GALNT14: variants seen among roughly 807,000 people sequenced by gnomAD.
The protein encoded by GALNT14 is polypeptide N-acetylgalactosaminyltransferase 14.
GALNT14 carries 60 observed loss-of-function variants against 77.5 expected under a neutral mutation model. That is an observed-to-expected ratio of 0.77 (90% CI 0.63 to 0.96). The LOEUF is 0.96. Among genes scored for constraint, GALNT14 ranks in the 40% least tolerant of loss-of-function variants. GALNT14 has a pLI of 0.00. For synonymous variants in GALNT14, 280 were observed against 281.7 expected (o/e 0.99, Z 0.06); for missense variants, 710 against 731.0 (o/e 0.97, Z 0.33).
intron 1 of GALNT14, among the ~76,000 whole-genome samples, chr2:31,020,918 C>A (rs1386670028): frequency 6.6e-6 from 1 of 152,204 alleles, no homozygotes; most frequent in African/African-American, 2.4e-5. Flanking sequence ...CTTATTACGC[C>A]TCTCCAGGAA....
intron 11 of GALNT14, among the ~76,000 whole-genome samples, chr2:30,925,740 G>A (rs2148235255): frequency 6.6e-6 from 1 of 152,330 alleles, no homozygotes; most frequent in African/African-American, 2.4e-5. Flanking sequence ...CTGCCAAGGA[G>A]TTTGGACTTG....
intron 1 of GALNT14, among the ~76,000 whole-genome samples, chr2:31,076,652 A>G (rs542690459): frequency 5.2e-4 from 77 of 149,078 alleles, no homozygotes; most frequent in Non-Finnish European, 9.8e-4. Flanking sequence ...TTACATGTAC[A>G]TATACATTTA....
intron 1 of GALNT14, among the ~76,000 whole-genome samples, chr2:31,040,485 G>A (rs983647905): frequency 6.6e-6 from 1 of 152,194 alleles, no homozygotes; most frequent in Non-Finnish European, 1.5e-5. Flanking sequence ...GGTACTGTGA[G>A]TGGTGGAGGC....
intron 6 of GALNT14, among the ~76,000 whole-genome samples, chr2:30,951,128 C>T (rs970153539): frequency 1.3e-5 from 2 of 152,146 alleles, no homozygotes; most frequent in African/African-American, 4.8e-5. Flanking sequence ...TATAACTGCG[C>T]TATTCACAAA....
chr2:31,038,555 TGGCCGG>T (rs1231841975), intron 1 of GALNT14, among the ~76,000 whole-genome samples: 1 of 148,014 alleles, frequency 6.8e-6, no homozygotes, highest in African/African-American at 2.5e-5. Context: ...AGTTTGGCGT[TGGCCGG>T]GGGAGGGGGA....
At chr2:30,940,083 A>G (rs905376834) in intron 9 of GALNT14, among the ~76,000 whole-genome samples, 6 of 152,052 alleles carry the variant, frequency 3.9e-5, no homozygotes, top group African/African-American at 1.4e-4. Flanking sequence ...GTGGGATAAA[A>G]TGAAGTGTTC....
rs76294760 is a variant in GALNT14, at chr2:31,048,239, G to A, written c.130-55232C>T. Among the ~76,000 whole-genome samples, 789 of 152,316 alleles carry A rather than the reference G, an allele frequency of 5.2e-3. 8 individuals carry two copies. Among genetic ancestry groups the A allele is most frequent in the African/African-American group, 0.018 (758 of 41,560 alleles). On this transcript the variant is annotated intron_variant, in intron 1 of 14. Transcript: ENST00000349752. The stretch of plus-strand genomic sequence containing the variant: ...ATGTTTTTCCCACACCAGGATTGGT[G>A]GTATAGGGGTAGGAAGCCCATAGTG...
rs530565205 is a variant in GALNT14 at position 31,035,618 on chromosome 2, TACACACACAC to T, written c.130-42621_130-42612del. On this transcript the variant is annotated intron_variant, in intron 1 of 14. Transcript: ENST00000349752. ...ATACATATACACACACACACACACC[TACACACACAC>T]ACACACACACACACACACACACACA... Among the ~76,000 whole-genome samples the T allele has an allele frequency of 9.8e-5, 5 of 51,238 alleles. 1 individual carries two copies. The highest frequency in any genetic ancestry group is 2.3e-4 in the Admixed American group (1 of 4,282). 33.6% of individuals were successfully genotyped at this position (51,238 alleles called of 152,430 possible).
chr2:30,959,812 A>C (rs997307126), intron 3 of GALNT14, among the ~76,000 whole-genome samples: 3 of 152,130 alleles, frequency 2.0e-5, no homozygotes, highest in Non-Finnish European at 2.9e-5. Flanking sequence ...AGATGACTGG[A>C]TCCTGCTTCT....
chr2:31,137,696 C>G (rs1329186384), intron 1 of GALNT14, among the ~76,000 whole-genome samples: 4 of 152,160 alleles, frequency 2.6e-5, no homozygotes, highest in Admixed American at 6.5e-5. Context: ...GCGCGCAGCT[C>G]AAGTTGGGAG....
intron 4 of GALNT14, among the ~76,000 whole-genome samples, chr2:30,956,353 T>C (rs1425481073): frequency 6.6e-6 from 1 of 152,224 alleles, no homozygotes; most frequent in Non-Finnish European, 1.5e-5. Flanking sequence ...AAATTTTTAA[T>C]CTTTAATTCT....
the GALNT14 span, among the ~76,000 whole-genome samples, chr2:30,892,767 C>A: frequency 1.1e-4 from 17 of 152,306 alleles, 1 homozygote; most frequent in East Asian, 1.4e-3. Context: ...TGCTGATATC[C>A]TGACTTCTCC....
At chr2:30,891,317 A>C in the GALNT14 span, among the ~76,000 whole-genome samples, 77,830 of 151,902 alleles carry the variant, frequency 0.51, 20,268 homozygotes, top group East Asian at 0.59. Flanking sequence ...TGCCTGTGCT[A>C]GCCAGGTGAT....
At chr2:31,115,314 T>C (rs1359018095) in intron 1 of GALNT14, among the ~76,000 whole-genome samples, 1 of 151,912 alleles carries the variant, frequency 6.6e-6, no homozygotes, top group Admixed American at 6.6e-5. Flanking sequence ...CATTGCCAAG[T>C]GTCCGAGGCA....
At chr2:30,993,393 A>G (rs1170717737) in intron 1 of GALNT14, among the ~76,000 whole-genome samples, 1 of 152,136 alleles carries the variant, frequency 6.6e-6, no homozygotes, top group Non-Finnish European at 1.5e-5. Flanking sequence ...TGGAACTTCA[A>G]TTCTAGTATC....
At chr2:31,093,045 G>C (rs992600279) in intron 1 of GALNT14, among the ~76,000 whole-genome samples, 1 of 152,098 alleles carries the variant, frequency 6.6e-6, no homozygotes, top group Admixed American at 6.6e-5. Context: ...TCTGAGGTTC[G>C]TTCCATCAGG....
the GALNT14 span, among the ~76,000 whole-genome samples, chr2:30,895,370 C>T: frequency 1.3e-5 from 2 of 152,114 alleles, no homozygotes; most frequent in African/African-American, 4.8e-5. Context: ...GACACGGAGA[C>T]ACAAAGTGTT....
the GALNT14 span, among the ~76,000 whole-genome samples, chr2:30,897,153 G>A: frequency 2.0e-5 from 3 of 152,126 alleles, no homozygotes; most frequent in Non-Finnish European, 4.4e-5. Context: ...CCACAGGCTT[G>A]TTGACTTGCT....
intron 1 of GALNT14, among the ~76,000 whole-genome samples, chr2:30,998,008 A>G (rs1283824016): frequency 6.6e-6 from 1 of 152,156 alleles, no homozygotes; most frequent in Admixed American, 6.6e-5. Context: ...GGCTTCACAT[A>G]TAAACGAGAT....
Sources: allele counts gnomAD v4.1 joint callset (sites outside exome capture counted in the v4.1 genomes callset), GRCh38; gene constraint gnomAD v4.1.1; transcripts MANE v1.5; gene names NCBI Gene and HGNC (gene_info 2026-07-23, HGNC 2026-07-21).